The following NEB variants were observed in gnomAD, a reference collection of about 807,000 sequenced individuals.
NEB encodes the protein nebulin.
Under a neutral mutation model 952.2 loss-of-function variants are expected in NEB, and 512 were observed. The observed-to-expected ratio is 0.54, with a 90% CI of 0.50 to 0.58. The LOEUF is 0.58. NEB is among the 20% of genes least tolerant of loss of function. The pLI is 0.00. For missense variants in NEB, 8,428 were observed against 9,231.1 expected (o/e 0.91, Z 3.56); for synonymous variants, 2,900 against 3,149.8 (o/e 0.92, Z 2.66).
intron 140 of NEB, 106 bp from the exon 141 acceptor site, chr2:151,537,342 A>G (rs2093354109): frequency 1.6e-6 from 1 of 638,616 alleles, no homozygotes; most frequent in Admixed American, 2.7e-5. Flanking sequence ...CTTGAGGTAT[A>G]TAAAATAATA....
chr2:151,639,952 T>C lies in NEB; in HGVS notation c.8794A>G (p.Ile2932Val), dbSNP rs2098826922. Residue 2932 changes from isoleucine to valine, a missense_variant, in exon 62 of 182, where the codon ATC (isoleucine) becomes GTC (valine). Ile to Val is a conservative substitution (Grantham distance 29). Around this residue, in one of 11 missense-constraint regions of NEB, gnomAD observed 1,772 missense variants for 1,960.3 expected, o/e 0.90. Coordinates refer to ENST00000397345, the MANE Select transcript of NEB (RefSeq NM_001164508.2). ...AATCTGTCTGGAGGCTGGCGATAGA[T>C]TTTATCACTCAAAATTTCAGTTGCC... ...KRATEILSDK[I>V]YRQPPDRFKF... 1.2e-6 allele frequency: 2 copies of C among 1,614,018 alleles called. No individual in the cohort carries two copies. The highest frequency in any genetic ancestry group is 1.7e-6 in the Non-Finnish European group (2 of 1,179,872).
chr2:151,675,253 C>G (rs1045285708), intron 35 of NEB, 34 bp downstream of exon 35: 2 of 1,412,812 alleles, frequency 1.4e-6, no homozygotes, highest in Non-Finnish European at 2.0e-6. Context: ...ATTGTCAGGT[C>G]CGAATTTCAC....
At chr2:151,655,408 A>C (rs1226535384) in intron 50 of NEB, 34 bp from the exon 51 acceptor site, 31 of 1,272,432 alleles carry the variant, frequency 2.4e-5, no homozygotes, top group Admixed American at 5.9e-5. Context: ...TGAAATTTGA[A>C]TAACTGGGAC....
chr2:151,540,756 C>A lies in NEB; in HGVS notation c.20728G>T (p.Ala6910Ser), dbSNP rs750152377. Residue 6910 changes from alanine (A) to serine (S), a missense_variant, in exon 137 of 182, where the codon GCT becomes TCT. This residue lies in a region of NEB where 3,374 missense variants were observed against 3,651.5 expected (regional missense o/e 0.92). Transcript: ENST00000397345. ...TTCAAGGCTGTGGTCTGGTTTCCAG[C>A]GTGATGATGGGGTCTCTCTTTGGTG... ...LATKERPHHH[A>S]GNQTTALKHA... is the part of the protein sequence containing the mutation. The A allele has an allele frequency of 3.7e-6, 6 of 1,613,518 alleles. No homozygotes were observed. Among genetic ancestry groups the A allele is most frequent in the South Asian group, 1.1e-5 (1 of 91,064 alleles).
In NEB at chr2:151,633,665, G is replaced by T; in HGVS notation, c.9403C>A (p.Leu3135Ile). The T allele has an allele frequency of 6.2e-7, 1 of 1,612,368 alleles. No homozygotes were observed. Among genetic ancestry groups the T allele is most frequent in the Middle Eastern group, 1.7e-4 (1 of 6,054 alleles). ...GATGCTGTACTCACGTCACTCTGGA[G>T]GTCATAGGCCTGCCGAGCATGGATG... ...DVIHARQAYD[L>I]QSDNIYKSDL... is the part of the protein sequence containing the mutation. The change falls in exon 65 of 182, where the codon CTC (leucine) becomes ATC (isoleucine). Residue 3135 changes from leucine (L) to isoleucine (I), a missense_variant. By Grantham distance (5) the Leu-to-Ile change is conservative. Around this residue, in one of 11 missense-constraint regions of NEB, gnomAD observed 1,772 missense variants for 1,960.3 expected, o/e 0.90. Transcript: ENST00000397345.
At chr2:151,716,854 T>C (rs1381385016) in intron 10 of NEB, among the ~76,000 whole-genome samples, 1 of 152,236 alleles carries the variant, frequency 6.6e-6, no homozygotes, top group African/African-American at 2.4e-5. Context: ...ATGGGCCTAT[T>C]CATCAGCTAA....
intron 28 of NEB, 46 bp from the exon 29 acceptor site, chr2:151,682,815 C>T (rs1028829685): frequency 2.0e-6 from 3 of 1,498,396 alleles, no homozygotes; most frequent in African/African-American, 2.8e-5. Context: ...GTGTCATCCT[C>T]ATTATGTAAA....
intron 129 of NEB, among the ~76,000 whole-genome samples, chr2:151,550,077 G>A (rs773886891): frequency 1.3e-5 from 2 of 151,956 alleles, no homozygotes; most frequent in Non-Finnish European, 2.9e-5. Flanking sequence ...GACTAGCCTG[G>A]ACAACATAGC....
intron 27 of NEB, among the ~76,000 whole-genome samples, chr2:151,686,371 G>A (rs183789184): frequency 4.6e-5 from 7 of 152,192 alleles, no homozygotes; most frequent in African/African-American, 1.7e-4. Flanking sequence ...ATATTTATTA[G>A]GCATTTATTA....
Position 151,561,254 on chromosome 2 carries a change from G to C in NEB, c.19055C>G (p.Thr6352Arg), listed in dbSNP as rs763526873. Reference sequence around the variant, plus strand: ...CTGAACAGCAGTCACATAGAGGGGCGTGTCTGTGACCAGATTATAGTTTTG... The same window carrying C: ...CTGAACAGCAGTCACATAGAGGGGCCTGTCTGTGACCAGATTATAGTTTTG... ...NLQNYNLVTD[T>R]PLYVTAVQSG... Residue 6352 changes from threonine to arginine, a missense_variant, in exon 122 of 182, where the codon ACG (threonine) becomes AGG (arginine). Physicochemically the swap from Thr to Arg is moderately conservative, Grantham distance 71. This residue lies in a region of NEB where 3,374 missense variants were observed against 3,651.5 expected (regional missense o/e 0.92). Transcript: ENST00000397345. 1.9e-6 allele frequency: 3 copies of C among 1,608,330 alleles called. No individual in the cohort carries two copies. The Admixed American group carries it at 5.1e-5, about 27-fold the overall frequency.
chr2:151,577,224 C>A (rs918730436), intron 105 of NEB, among the ~76,000 whole-genome samples: 2 of 152,206 alleles, frequency 1.3e-5, no homozygotes, highest in Non-Finnish European at 2.9e-5. Flanking sequence ...AAATCCCTGA[C>A]ACAGACTAGA....
Position 151,579,615 on chromosome 2 carries a change from CCTTT to C in NEB, c.16423_16426del (p.Lys5475AlafsTer22). ...GGCGCTGCGACAGCCAATGTAATGG[CCTTT>C]CTGTTTCTCATAAGCAGTTTTGTAC... On this transcript the variant is annotated frameshift_variant, in exon 105 of 182. Transcript: ENST00000397345. LOFTEE classifies it high-confidence loss of function. The C allele has an allele frequency of 9.8e-7, 1 of 1,024,016 alleles. No individual in the cohort carries two copies. The highest frequency in any genetic ancestry group is 1.4e-6 in the Non-Finnish European group (1 of 708,832). The allele number at this position is 1,024,016 out of a possible 1,614,324, so 63.4% of individuals were successfully genotyped here.
chr2:151,724,866 T>C lies in NEB; in HGVS notation c.498A>G (p.Gln166=), dbSNP rs367581295. 9 of 1,613,316 alleles carry C rather than the reference T, an allele frequency of 5.6e-6. No homozygotes were observed. In the African/African-American group the frequency reaches 1.1e-4, roughly 19 times the overall value. The change falls in exon 7 of 182, where the codon CAA becomes CAG. Residue 166 remains glutamine (Q), a synonymous_variant. Transcript: ENST00000397345. ...DIEHAKKVSQ[Q]VSKVLYKQNW... ...CATATCATTGCCTTACCTTACTGACTTGCTGCGACACTTTCTTTGCATGTT... is the reference window on the plus strand; with the variant it reads ...CATATCATTGCCTTACCTTACTGACCTGCTGCGACACTTTCTTTGCATGTT...
At chr2:151,569,497 AGCCAC>A in intron 109 of NEB, 125 bp from the exon 110 acceptor site, 1 of 728,750 alleles carries the variant, frequency 1.4e-6, no homozygotes, top group Non-Finnish European at 2.5e-6. Context: ...ATACTCAAGC[AGCCAC>A]GCAGGTAATG....
At chr2:151,625,503 C>T (rs2098505948) in intron 71 of NEB, 31 bp downstream of exon 71, 1 of 1,484,958 alleles carries the variant, frequency 6.7e-7, no homozygotes, top group Non-Finnish European at 9.2e-7. Flanking sequence ...TCAATGTGGC[C>T]AGACCAAAGA....
intron 10 of NEB, chr2:151,716,287 C>T (rs755223820): frequency 6.7e-5 from 19 of 284,074 alleles, no homozygotes; most frequent in Non-Finnish European, 9.0e-5. Flanking sequence ...TACAGGCGCC[C>T]GCCACCACGC....
At chr2:151,486,474 A>G (rs1459806303) in intron 181 of NEB, 2 of 153,964 alleles carry the variant, frequency 1.3e-5, no homozygotes, top group African/African-American at 4.8e-5. Context: ...GCATTACCCT[A>G]TGGCCCAGCA....
chr2:151,502,939 A>G, intron 166 of NEB, 54 bp from the exon 167 acceptor site: 1 of 1,073,108 alleles, frequency 9.3e-7, no homozygotes, highest in East Asian at 2.4e-5. Flanking sequence ...ACAGAGAGTA[A>G]GGAAGGAAGG....
At chr2:151,606,381 T>C (rs1305255827) in intron 84 of NEB, among the ~76,000 whole-genome samples, 2 of 82,980 alleles carry the variant, frequency 2.4e-5, no homozygotes, top group Non-Finnish European at 6.3e-5. Flanking sequence ...TGATGTTTTG[T>C]TTCTACTTTG....
Sources: gnomAD v4.1 joint callset for allele counts (sites outside exome capture counted in the v4.1 genomes callset) on GRCh38, gnomAD v4.1.1 for gene constraint, gnomAD v4.1.1 regional missense constraint, MANE v1.5 for transcripts, NCBI Gene and HGNC (gene_info 2026-07-23, HGNC 2026-07-21) for gene names.